The following RGS6 variants were observed in gnomAD, a reference collection of about 807,000 sequenced individuals.
RGS6 encodes regulator of G protein signaling 6.
In RGS6, 30 loss-of-function variants were observed where a neutral mutation model predicts 78.5. That is an observed-to-expected ratio of 0.38 (90% CI 0.29 to 0.52). The LOEUF is 0.52. Among genes scored for constraint, RGS6 ranks in the 20% least tolerant of loss-of-function variants. RGS6 has a pLI of 0.85. For missense variants in RGS6, 495 were observed against 609.7 expected, an observed-to-expected ratio of 0.81 and a Z score of 1.98; for synonymous variants, 206 against 206.0, an observed-to-expected ratio of 1.00 and a Z score of 0.00.
chr14:72,020,916 A>G (rs1367523714), intron 2 of RGS6, among the ~76,000 whole-genome samples: 1 of 152,216 alleles, frequency 6.6e-6, no homozygotes, highest in Non-Finnish European at 1.5e-5. Flanking sequence ...GAGAGTGACT[A>G]TGCATGATGA....
chr14:72,583,765 A>G, the RGS6 span, among the ~76,000 whole-genome samples: 5 of 152,288 alleles, frequency 3.3e-5, no homozygotes, highest in African/African-American at 1.2e-4. Context: ...TGCTGGCAAA[A>G]TGTCATACAG....
chr14:72,059,036 C>T (rs190637898), intron 2 of RGS6, among the ~76,000 whole-genome samples: 9 of 151,980 alleles, frequency 5.9e-5, no homozygotes, highest in Admixed American at 3.3e-4. Context: ...CCCAAGTAGC[C>T]GGGACTACAG....
intron 2 of RGS6, among the ~76,000 whole-genome samples, chr14:72,346,078 A>C (rs754384913): frequency 4.6e-5 from 7 of 152,194 alleles, no homozygotes; most frequent in Non-Finnish European, 1.0e-4. Flanking sequence ...AGTCATTAGT[A>C]GCTAGAAACA....
intron 2 of RGS6, among the ~76,000 whole-genome samples, chr14:72,116,983 AAAAAG>A (rs1567237091): frequency 7.0e-6 from 1 of 142,196 alleles, no homozygotes; most frequent in East Asian, 2.0e-4. Flanking sequence ...AAAAAAAAAA[AAAAAG>A]AGAGTTTAAA....
At chr14:72,029,640 C>T (rs775939833) in intron 2 of RGS6, among the ~76,000 whole-genome samples, 18 of 152,084 alleles carry the variant, frequency 1.2e-4, no homozygotes, top group Non-Finnish European at 2.2e-4. Flanking sequence ...TGCTTATTAG[C>T]GGTAGGATGT....
At chr14:71,955,149 T>C (rs550698311) in intron 1 of RGS6, among the ~76,000 whole-genome samples, 3 of 152,304 alleles carry the variant, frequency 2.0e-5, no homozygotes, top group Non-Finnish European at 1.5e-5. Context: ...TTGTCTCCTC[T>C]CTTGACTTTA....
At chr14:72,222,224 T>C (rs971064698) in intron 2 of RGS6, among the ~76,000 whole-genome samples, 1 of 152,240 alleles carries the variant, frequency 6.6e-6, no homozygotes, top group East Asian at 1.9e-4. Context: ...CTGCTCTGCC[T>C]GTGATGACAA....
intron 14 of RGS6, chr14:72,515,741 C>T (rs1487256407): frequency 2.6e-5 from 4 of 152,256 alleles, no homozygotes; most frequent in Non-Finnish European, 5.9e-5. Flanking sequence ...TGTACATTTT[C>T]ATGTGGCACC....
chr14:72,566,629 T>TCACACACACACACACA (rs58800255), downstream of RGS6: 1 of 105,894 alleles, frequency 9.4e-6, no homozygotes, highest in East Asian at 2.9e-4. Flanking sequence ...TTCCCCATTA[T>TCACACACACACACACA]CACACACACA....
chr14:72,586,293 C>T, the RGS6 span, among the ~76,000 whole-genome samples: 1 of 152,152 alleles, frequency 6.6e-6, no homozygotes. Flanking sequence ...AGGAGTGAAG[C>T]CCTTATCAAT....
chr14:71,986,048 G>C (rs559605679), intron 2 of RGS6, among the ~76,000 whole-genome samples: 4 of 152,276 alleles, frequency 2.6e-5, no homozygotes, highest in Admixed American at 2.6e-4. Flanking sequence ...CAGCTCTTCT[G>C]TCACACACTT....
intron 2 of RGS6, among the ~76,000 whole-genome samples, chr14:72,291,649 A>G (rs779450819): frequency 6.6e-6 from 1 of 152,250 alleles, no homozygotes; most frequent in Non-Finnish European, 1.5e-5. Context: ...GGCTAGAAAG[A>G]TATACCTAGA....
intron 2 of RGS6, among the ~76,000 whole-genome samples, chr14:72,100,743 G>A (rs2095511934): frequency 6.6e-6 from 1 of 152,152 alleles, no homozygotes; most frequent in African/African-American, 2.4e-5. Flanking sequence ...TTTTCTAAAT[G>A]AATCTATCTG....
chr14:72,015,917 T>A (rs996289470), intron 2 of RGS6, among the ~76,000 whole-genome samples: 1 of 152,240 alleles, frequency 6.6e-6, no homozygotes, highest in Non-Finnish European at 1.5e-5. Flanking sequence ...CATTGGCCTT[T>A]TTATTAATGA....
intron 17 of RGS6, among the ~76,000 whole-genome samples, chr14:72,559,482 G>C (rs879862071): frequency 2.6e-5 from 4 of 152,242 alleles, no homozygotes; most frequent in Non-Finnish European, 5.9e-5. Flanking sequence ...AGGTCACTGG[G>C]TAGCGAGTAG....
intron 2 of RGS6, among the ~76,000 whole-genome samples, chr14:72,169,658 T>G (rs1313191906): frequency 6.6e-6 from 1 of 152,212 alleles, no homozygotes; most frequent in Non-Finnish European, 1.5e-5. Context: ...TTTTTCCTCC[T>G]GGGCACGTAG....
At chr14:71,919,741 C>T in the RGS6 span, among the ~76,000 whole-genome samples, 2 of 152,220 alleles carry the variant, frequency 1.3e-5, no homozygotes, top group South Asian at 4.1e-4. Context: ...CACCTGTAAG[C>T]CTGGCACTTT....
At chr14:71,907,748 AT>A in the RGS6 span, among the ~76,000 whole-genome samples, 1 of 152,042 alleles carries the variant, frequency 6.6e-6, no homozygotes, top group East Asian at 1.9e-4. Flanking sequence ...GCAAGAAATG[AT>A]GGCAGCTTGG....
the RGS6 span, among the ~76,000 whole-genome samples, chr14:71,892,610 C>T: frequency 1.3e-5 from 2 of 152,126 alleles, no homozygotes; most frequent in African/African-American, 2.4e-5. Flanking sequence ...CATTTCACAC[C>T]GAGCTCTTCC....
Sources: allele counts gnomAD v4.1 joint callset (sites outside exome capture counted in the v4.1 genomes callset), GRCh38; gene constraint gnomAD v4.1.1; transcripts MANE v1.5; gene names NCBI Gene and HGNC (gene_info 2026-07-23, HGNC 2026-07-21).